The following NLRC3 variants were observed in gnomAD, a reference collection of about 807,000 sequenced individuals.
The protein encoded by NLRC3 is NLR family CARD domain containing 3, also known as NLR family CARD domain-containing protein 3.
A neutral mutation model predicts 91.6 loss-of-function variants in NLRC3; 87 were observed. That is an observed-to-expected ratio of 0.95 (90% CI 0.80 to 1.14). NLRC3 has a LOEUF of 1.14. NLRC3 is among the 50% of genes most tolerant of loss of function. NLRC3 has a pLI of 0.00. For synonymous variants in NLRC3, 694 were observed against 625.3 expected, an observed-to-expected ratio of 1.11 and a Z score of -1.64; for missense variants, 1,577 against 1,418.6, an observed-to-expected ratio of 1.11 and a Z score of -1.79.
chr16:3,553,765 A>T (rs2039141435), intron 9 of NLRC3, among the ~76,000 whole-genome samples: 2 of 148,084 alleles, frequency 1.4e-5, no homozygotes, highest in African/African-American at 2.5e-5. Context: ...TTTTTTTTTG[A>T]CAGAGTCTCG....
chr16:3,567,771 CAAAAAAAAAA>C (rs774868671), intron 1 of NLRC3, among the ~76,000 whole-genome samples: 1 of 38,544 alleles, frequency 2.6e-5, no homozygotes, highest in South Asian at 1.8e-3. Flanking sequence ...GACTCCATCT[CAAAAAAAAAA>C]AAAAAAAAAA....
At chr16:3,569,481 C>CT (rs1465618232) in intron 1 of NLRC3, among the ~76,000 whole-genome samples, 1 of 138,592 alleles carries the variant, frequency 7.2e-6, no homozygotes, top group Admixed American at 7.6e-5. Flanking sequence ...TCACTGTAGC[C>CT]TCTACCTCCC....
At chr16:3,570,615 G>A (rs1567155170) in intron 1 of NLRC3, among the ~76,000 whole-genome samples, 3 of 152,198 alleles carry the variant, frequency 2.0e-5, no homozygotes, top group African/African-American at 7.2e-5. Context: ...GGCGGCTGGG[G>A]AAGGCTGCTG....
At chr16:3,575,919 T>C (rs1198725719) in intron 1 of NLRC3, among the ~76,000 whole-genome samples, 1 of 152,142 alleles carries the variant, frequency 6.6e-6, no homozygotes, top group African/African-American at 2.4e-5. Context: ...TCCCAGGGCC[T>C]TGGAATTCAG....
intron 6 of NLRC3, among the ~76,000 whole-genome samples, chr16:3,560,131 A>AC (rs2039538794): frequency 6.6e-6 from 1 of 151,950 alleles, no homozygotes. Flanking sequence ...ATGAAGAATT[A>AC]CCCCTGGCCA....
At position 3,577,345 on chromosome 16, in the gene NLRC3, G is replaced by A; in HGVS notation, c.-365C>T. On this transcript the variant is annotated 5_prime_UTR_variant, in exon 1 of 20. Coordinates refer to ENST00000359128, the MANE Select transcript of NLRC3 (RefSeq NM_178844.4). ...CCAACCAACCGTGTGGGGGCCGAGAGCAGTGCAGCCCCGACCTTCTGCAGC... is the reference window on the plus strand; with the variant it reads ...CCAACCAACCGTGTGGGGGCCGAGAACAGTGCAGCCCCGACCTTCTGCAGC... 1.6e-6 allele frequency: 1 copy of A among 638,158 alleles called. No individual in the cohort carries two copies. The highest frequency in any genetic ancestry group is 3.2e-4 in the Middle Eastern group (1 of 3,096). The allele number at this position is 638,158 out of a possible 1,614,324, so 39.5% of individuals were successfully genotyped here. A position where few individuals can be genotyped will look rare whatever the true frequency, so the allele number is the denominator to read the frequency against.
intron 12 of NLRC3, 83 bp downstream of exon 12, chr16:3,549,614 G>A (rs2038888869): frequency 9.4e-7 from 1 of 1,066,634 alleles, no homozygotes; most frequent in South Asian, 1.4e-5. Flanking sequence ...ATTTCCCTGA[G>A]ACAGGCTTCC....
Position 3,541,782 on chromosome 16 carries a change from T to G in NLRC3, c.*43A>C. The G allele has an allele frequency of 7.3e-7, 1 of 1,373,324 alleles. No individual in the cohort carries two copies. Among genetic ancestry groups the G allele is most frequent in the Non-Finnish European group, 1.0e-6 (1 of 970,142 alleles). The allele number at this position is 1,373,324 out of a possible 1,614,324, so 85.1% of individuals were successfully genotyped here. A position where few individuals can be genotyped will look rare whatever the true frequency, so the allele number is the denominator to read the frequency against. ...AAGTCGGCCTTTCTGTTCAAAAGCT[T>G]CCAGCTGAGCATCTGCCCATTCTCC... On this transcript the variant is annotated 3_prime_UTR_variant, in exon 20 of 20. Transcript: ENST00000359128.
At chr16:3,554,196 G>A (rs1333674759) in intron 9 of NLRC3, 46 bp downstream of exon 9, 1 of 1,407,612 alleles carries the variant, frequency 7.1e-7, no homozygotes. Context: ...CTTGGAGGAG[G>A]AGGGAGAAGG....
Position 3,542,198 on chromosome 16 carries a change from G to T in NLRC3, c.3100C>A (p.His1034Asn), listed in dbSNP as rs866638913. The T allele has an allele frequency of 6.3e-7, 1 of 1,580,788 alleles. No individual in the cohort carries two copies. The highest frequency in any genetic ancestry group is 8.6e-7 in the Non-Finnish European group (1 of 1,161,470). Residue 1034 changes from histidine (H) to asparagine (N), a missense_variant, in exon 19 of 20, where the codon CAT (histidine) becomes AAT (asparagine). Coordinates refer to ENST00000359128, the MANE Select transcript of NLRC3 (RefSeq NM_178844.4). ...TALSGNHRLQ[H>N]INLQGNHIGD... ...AAGGGCAGGTGCACTCACTTGATATGCTGGAGCCTGTGGTTTCCAGACAGT... is the reference window on the plus strand; with the variant it reads ...AAGGGCAGGTGCACTCACTTGATATTCTGGAGCCTGTGGTTTCCAGACAGT...
At chr16:3,543,572 T>C (rs2038524626) in intron 16 of NLRC3, 64 bp from the exon 17 acceptor site, 2 of 1,073,414 alleles carry the variant, frequency 1.9e-6, no homozygotes, top group Non-Finnish European at 2.8e-6. Context: ...CATACTCCGT[T>C]CCCTTTCACC....
At chr16:3,554,355 A>G in intron 8 of NLRC3, 30 bp from the exon 9 acceptor site, 1 of 1,553,630 alleles carries the variant, frequency 6.4e-7, no homozygotes, top group Middle Eastern at 1.7e-4. Flanking sequence ...CTCATCACTG[A>G]TGGAGCAGAA....
At chr16:3,558,698 T>C (rs2039468354) in intron 6 of NLRC3, among the ~76,000 whole-genome samples, 1 of 152,188 alleles carries the variant, frequency 6.6e-6, no homozygotes, top group African/African-American at 2.4e-5. Flanking sequence ...AAATAGTAGC[T>C]GTCCAGGCTC....
chr16:3,549,631 C>T, intron 12 of NLRC3, 66 bp downstream of exon 12: 1 of 1,221,630 alleles, frequency 8.2e-7, no homozygotes, highest in Non-Finnish European at 1.2e-6. Flanking sequence ...TTCCCAGTGC[C>T]AAGTCCCTGC....
chr16:3,552,073 C>A (rs2039045493), intron 10 of NLRC3, 123 bp downstream of exon 10: 2 of 656,954 alleles, frequency 3.0e-6, no homozygotes, highest in African/African-American at 3.6e-5. Context: ...ATCCACCCAC[C>A]CATCCATCCA....
intron 1 of NLRC3, among the ~76,000 whole-genome samples, chr16:3,575,154 G>C (rs1362643173): frequency 6.6e-6 from 1 of 152,152 alleles, no homozygotes; most frequent in African/African-American, 2.4e-5. Flanking sequence ...GACGAAACGT[G>C]GCTTTCATCC....
rs983000167 is a variant in NLRC3 at position 3,539,655 on chromosome 16, T to C, written c.*2170A>G. On this transcript the variant is annotated 3_prime_UTR_variant, in exon 20 of 20. Coordinates refer to ENST00000359128, the MANE Select transcript of NLRC3 (RefSeq NM_178844.4). ...AGACAGAGCATCACCTTGAAAGTAC[T>C]AAAACAGCTGTCAATCTAGAAATCT... is the stretch of plus-strand genomic sequence containing the variant. 3 of 152,210 alleles carry C rather than the reference T, an allele frequency of 2.0e-5. No individual in the cohort carries two copies. Among genetic ancestry groups the C allele is most frequent in the Non-Finnish European group, 4.4e-5 (3 of 68,040 alleles). 9.4% of individuals were successfully genotyped at this position (152,210 alleles called of 1,614,324 possible).
rs2151078480 is a variant in NLRC3, at chr16:3,541,765, C to CT, written c.*59dup. 1 of 1,203,486 alleles carries CT rather than the reference C, an allele frequency of 8.3e-7. No individual in the cohort carries two copies. The highest frequency in any genetic ancestry group is 2.4e-5 in the East Asian group (1 of 41,124). The allele number at this position is 1,203,486 out of a possible 1,614,324, so 74.6% of individuals were successfully genotyped here. The stretch of plus-strand genomic sequence containing the variant: ...CCAGACAGGCCCCCCAGAAGTCGGC[C>CT]TTTCTGTTCAAAAGCTTCCAGCTGA... On this transcript the variant is annotated 3_prime_UTR_variant, in exon 20 of 20. Coordinates refer to ENST00000359128, the MANE Select transcript of NLRC3 (RefSeq NM_178844.4).
In NLRC3 at chr16:3,548,236, C is replaced by CATGTGACT. The variant is rs375899418; in HGVS notation, c.2688-26_2688-19dup. 34 of 1,577,170 alleles carry CATGTGACT rather than the reference C, an allele frequency of 2.2e-5. No homozygotes were observed. The highest frequency in any genetic ancestry group is 2.1e-4 in the East Asian group (9 of 43,388). ...ACTGCAGGCTGGGCAGACACAGACA[C>CATGTGACT]ATGTGACTATGTGACTATGTGACTA... On this transcript the variant is annotated intron_variant, in intron 14 of 19. Transcript: ENST00000359128.
Sources: allele counts gnomAD v4.1 joint callset (sites outside exome capture counted in the v4.1 genomes callset), GRCh38; gene constraint gnomAD v4.1.1; transcripts MANE v1.5; gene names NCBI Gene and HGNC (gene_info 2026-07-23, HGNC 2026-07-21).